Variants in TRMT5 observed in about 807,000 individuals in gnomAD.
TRMT5 encodes the protein tRNA methyltransferase 5, also known as tRNA (guanine(37)-N(1))-methyltransferase.
In TRMT5, 31 loss-of-function variants were observed where a neutral mutation model predicts 42.2. That is an observed-to-expected ratio of 0.73 (90% CI 0.55 to 0.99). TRMT5 has a LOEUF of 0.99. Among genes scored for constraint, TRMT5 ranks in the 50% least tolerant of loss-of-function variants. The pLI is 0.00. For missense variants in TRMT5, 568 were observed against 595.0 expected (o/e 0.95, Z 0.47); for synonymous variants, 198 against 209.6 (o/e 0.94, Z 0.48).
Position 60,975,128 on chromosome 14 carries a change from T to G in TRMT5, c.1511A>C (p.Gln504Pro). 2 of 1,610,144 alleles carry G rather than the reference T, an allele frequency of 1.2e-6. No individual in the cohort carries two copies. Among genetic ancestry groups the G allele is most frequent in the South Asian group, 1.1e-5 (1 of 90,312 alleles). The stretch of plus-strand genomic sequence containing the variant: ...TTCCAATTAAGTGTTTGAAACAATT[T>G]GTGTTTTTTCGTCTGAAAAGGCTTC... ...TAEAFSDEKT[Q>P]IVSNT The change falls in exon 5 of 5, where the codon CAA (glutamine) becomes CCA (proline). Residue 504 changes from glutamine (Q) to proline (P), a missense_variant. Physicochemically the swap from Gln to Pro is moderately conservative, Grantham distance 76 (BLOSUM62 -1). Transcript: ENST00000261249.
rs2036788713 is a variant in TRMT5, at chr14:60,972,449, A to C, written c.*2660T>G. ...CTTTATCTCCTTTAGCATCCCCTTC[A>C]GTCTTTCTCTTGGGCATGGCGGCGG... is the stretch of plus-strand genomic sequence containing the variant. On this transcript the variant is annotated 3_prime_UTR_variant, in exon 5 of 5. Coordinates refer to ENST00000261249, the MANE Select transcript of TRMT5 (RefSeq NM_020810.3). 1 of 524,188 alleles carries C rather than the reference A, an allele frequency of 1.9e-6. No homozygotes were observed. The highest frequency in any genetic ancestry group is 2.0e-5 in the Admixed American group (1 of 50,182). The allele number at this position is 524,188 out of a possible 1,614,324, so 32.5% of individuals were successfully genotyped here.
chr14:60,974,724 T>G lies in TRMT5; in HGVS notation c.*385A>C, dbSNP rs559337479. On this transcript the variant is annotated 3_prime_UTR_variant, in exon 5 of 5. Transcript: ENST00000261249. ...CGTTCTAAATAATTTCATTTTTTAT[T>G]ACTTTTATGGTGATAGTTAATTGGC... The G allele has an allele frequency of 2.6e-5, 4 of 152,910 alleles. No individual in the cohort carries two copies. In the South Asian group the frequency reaches 8.2e-4, roughly 32 times the overall value. The allele number at this position is 152,910 out of a possible 1,614,324, so 9.5% of individuals were successfully genotyped here. A position where few individuals can be genotyped will look rare whatever the true frequency, so the allele number is the denominator to read the frequency against.
chr14:60,976,876 AG>A (rs1286866781), intron 3 of TRMT5, among the ~76,000 whole-genome samples: 2 of 152,172 alleles, frequency 1.3e-5, no homozygotes, highest in Non-Finnish European at 1.5e-5. Flanking sequence ...ATAAAACTTA[AG>A]TTACAGTCAT....
In TRMT5 at chr14:60,979,659, C is replaced by T. The variant is rs966877837; in HGVS notation, c.239G>A (p.Arg80Gln). Reference protein sequence around the residue: ...TELFSPPSDVRGMTKLDRTAF... With the variant: ...TELFSPPSDVQGMTKLDRTAF... ...TGTTCTATCAAGTTTTGTCATGCCT[C>T]GGACATCAGAAGGTGGTGAAAACAA... The change falls in exon 2 of 5, where the codon CGA becomes CAA. Residue 80 changes from arginine (R) to glutamine (Q), a missense_variant. Arg to Gln is a conservative substitution (Grantham distance 43, BLOSUM62 1). Transcript: ENST00000261249. 1.2e-6 allele frequency: 2 copies of T among 1,614,080 alleles called. No individual in the cohort carries two copies. Among genetic ancestry groups the T allele is most frequent in the East Asian group, 2.2e-5 (1 of 44,872 alleles).
upstream of TRMT5, chr14:60,981,182 C>G (rs1237736067): frequency 2.0e-6 from 3 of 1,534,812 alleles, no homozygotes; most frequent in African/African-American, 1.4e-5. Context: ...CCGGAAGGGC[C>G]GGGCTCAAAG....
chr14:60,972,239 C>T lies in TRMT5; in HGVS notation c.*2870G>A. The T allele has an allele frequency of 1.9e-6, 1 of 524,488 alleles. No individual in the cohort carries two copies. The highest frequency in any genetic ancestry group is 3.8e-6 in the Non-Finnish European group (1 of 264,150). The allele number at this position is 524,488 out of a possible 1,614,324, so 32.5% of individuals were successfully genotyped here. Reference sequence around the variant, plus strand: ...CAGAAGTACAGTTATAAAAAATGCACACACTTCACTTGGGATCTCCAGCAC... The same window carrying T: ...CAGAAGTACAGTTATAAAAAATGCATACACTTCACTTGGGATCTCCAGCAC... On this transcript the variant is annotated 3_prime_UTR_variant, in exon 5 of 5. Coordinates refer to ENST00000261249, the MANE Select transcript of TRMT5 (RefSeq NM_020810.3).
chr14:60,975,036 A>G lies in TRMT5; in HGVS notation c.*73T>C, dbSNP rs2036823487. The stretch of plus-strand genomic sequence containing the variant: ...TTCAATAGTAAAAACCAAACCCTAA[A>G]ATTTTATTAAATAATACAAATTCTA... On this transcript the variant is annotated 3_prime_UTR_variant, in exon 5 of 5. Transcript: ENST00000261249. 1 of 1,300,364 alleles carries G rather than the reference A, an allele frequency of 7.7e-7. No homozygotes were observed. The highest frequency in any genetic ancestry group is 1.1e-6 in the Non-Finnish European group (1 of 950,526). 80.6% of individuals were successfully genotyped at this position (1,300,364 alleles called of 1,614,324 possible). A position where few individuals can be genotyped will look rare whatever the true frequency, so the allele number is the denominator to read the frequency against.
rs552387240 is a variant in TRMT5 at position 60,979,054 on chromosome 14, G to T, written c.667+177C>A. Among the ~76,000 whole-genome samples, 3 of 152,210 alleles carry T rather than the reference G, an allele frequency of 2.0e-5. No individual in the cohort carries two copies. The South Asian group carries it at 6.2e-4, about 32-fold the overall frequency. On this transcript the variant is annotated intron_variant, in intron 2 of 4. Coordinates refer to ENST00000261249, the MANE Select transcript of TRMT5 (RefSeq NM_020810.3). The stretch of plus-strand genomic sequence containing the variant: ...GTATTTGGAACTTGCTATGACTAAA[G>T]AAGATATTTCAAAATGGCCCTCAAA...
At chr14:60,977,752 C>T in intron 2 of TRMT5, 114 bp from the exon 3 acceptor site, 1 of 1,043,084 alleles carries the variant, frequency 9.6e-7, no homozygotes, top group Non-Finnish European at 1.3e-6. Flanking sequence ...AAAGACTGCA[C>T]CTACTGTGTG....
Position 60,979,364 on chromosome 14 carries a change from T to A in TRMT5, c.534A>T (p.Glu178Asp). The A allele has an allele frequency of 1.2e-5, 19 of 1,614,166 alleles. No individual in the cohort carries two copies. Among genetic ancestry groups the A allele is most frequent in the Admixed American group, 1.7e-5 (1 of 60,024 alleles). ...ISKYNLELTYEHFKSEEILRA... is the reference protein window; with the variant it reads ...ISKYNLELTYDHFKSEEILRA... The stretch of plus-strand genomic sequence containing the variant: ...TCAAGATTTCTTCTGACTTAAAGTG[T>A]TCATATGTTAGTTCCAAATTGTATT... Residue 178 changes from glutamate (E) to aspartate (D), a missense_variant, in exon 2 of 5, where the codon GAA (glutamate) becomes GAT (aspartate). Physicochemically the swap from Glu to Asp is conservative, Grantham distance 45 (BLOSUM62 2). Coordinates refer to ENST00000261249, the MANE Select transcript of TRMT5 (RefSeq NM_020810.3).
chr14:60,980,864 G>A (rs768671178), intron 1 of TRMT5, 99 bp downstream of exon 1: 1 of 1,581,712 alleles, frequency 6.3e-7, no homozygotes, highest in African/African-American at 1.3e-5. Flanking sequence ...GGGTGACCTC[G>A]CGATGTTTCT....
chr14:60,981,000 T>G lies in TRMT5; in HGVS notation c.-27A>C. On this transcript the variant is annotated 5_prime_UTR_variant, in exon 1 of 5. Coordinates refer to ENST00000261249, the MANE Select transcript of TRMT5 (RefSeq NM_020810.3). ...CCAATTCCCCACGTCGCTCTGCAGC[T>G]GGATCCGCGAGCCGACCCCTCACCT... is the stretch of plus-strand genomic sequence containing the variant. 6.2e-7 allele frequency: 1 copy of G among 1,610,336 alleles called. No individual in the cohort carries two copies. Among genetic ancestry groups the G allele is most frequent in the Non-Finnish European group, 8.5e-7 (1 of 1,179,932 alleles).
chr14:60,977,677 G>A, intron 2 of TRMT5, 39 bp from the exon 3 acceptor site: 2 of 1,535,222 alleles, frequency 1.3e-6, no homozygotes, highest in Middle Eastern at 1.8e-4. Context: ...CTGCCTATTG[G>A]TTGCAAAATA....
rs1240820661 is a variant in TRMT5, at chr14:60,979,640, A to G, written c.258T>C (p.Asp86=). ...PSDVRGMTKL[D]RTAFKKTVNI... is the part of the protein sequence containing the mutation. ...TGACTGTCTTTTTAAAAGCTGTTCTATCAAGTTTTGTCATGCCTCGGACAT... is the reference window on the plus strand; with the variant it reads ...TGACTGTCTTTTTAAAAGCTGTTCTGTCAAGTTTTGTCATGCCTCGGACAT... The change falls in exon 2 of 5, where the codon GAT becomes GAC. Residue 86 remains aspartate (D), a synonymous_variant. Transcript: ENST00000261249. 5.0e-6 allele frequency: 8 copies of G among 1,613,988 alleles called. No homozygotes were observed. The highest frequency in any genetic ancestry group is 5.9e-6 in the Non-Finnish European group (7 of 1,180,032).
Position 60,972,856 on chromosome 14 carries a change from C to T in TRMT5, c.*2253G>A, listed in dbSNP as rs2036795241. The T allele has an allele frequency of 6.5e-6, 1 of 153,022 alleles. No individual in the cohort carries two copies. Among genetic ancestry groups the T allele is most frequent in the Non-Finnish European group, 1.5e-5 (1 of 68,670 alleles). 9.5% of individuals were successfully genotyped at this position (153,022 alleles called of 1,614,324 possible). On this transcript the variant is annotated 3_prime_UTR_variant, in exon 5 of 5. Coordinates refer to ENST00000261249, the MANE Select transcript of TRMT5 (RefSeq NM_020810.3). ...CCAGGAGCATATGAAATTAACTGAG[C>T]ATATTCATCACTTGGAAAGCATTTG...
chr14:60,977,388 CA>C, intron 3 of TRMT5, 125 bp downstream of exon 3: 1 of 899,814 alleles, frequency 1.1e-6, no homozygotes, highest in Non-Finnish European at 1.6e-6. Context: ...CAATAGCATA[CA>C]TAAGTGATCA....
chr14:60,972,219 G>A lies in TRMT5; in HGVS notation c.*2890C>T, dbSNP rs2036785276. On this transcript the variant is annotated 3_prime_UTR_variant, in exon 5 of 5. Transcript: ENST00000261249. ...ATTTCAAACTGTACAGTCACCAGAAGTACAGTTATAAAAAATGCACACACT... is the reference window on the plus strand; with the variant it reads ...ATTTCAAACTGTACAGTCACCAGAAATACAGTTATAAAAAATGCACACACT... 4 of 516,060 alleles carry A rather than the reference G, an allele frequency of 7.8e-6. No individual in the cohort carries two copies. Among genetic ancestry groups the A allele is most frequent in the Non-Finnish European group, 1.5e-5 (4 of 261,298 alleles). 32.0% of individuals were successfully genotyped at this position (516,060 alleles called of 1,614,324 possible).
In TRMT5 at chr14:60,977,565, G is replaced by C. The variant is rs1371101067; in HGVS notation, c.741C>G (p.Tyr247Ter). The C allele has an allele frequency of 2.5e-6, 4 of 1,610,536 alleles. No individual in the cohort carries two copies. The highest frequency in any genetic ancestry group is 3.4e-6 in the Non-Finnish European group (4 of 1,178,072). ...VNKINNIDNMYRNFQMEVLSG... is the reference protein window; with the variant it reads ...VNKINNIDNM Reference sequence around the variant, plus strand: ...ATAGCACTTCCATTTGGAAATTTCGGTACATATTGTCAATATTATTTATTT... The same window carrying C: ...ATAGCACTTCCATTTGGAAATTTCGCTACATATTGTCAATATTATTTATTT... The change falls in exon 3 of 5, where the codon TAC becomes TAG. Residue 247 changes from tyrosine (Y) to a stop codon, truncating the protein, a stop_gained. Transcript: ENST00000261249. LOFTEE classifies it high-confidence loss of function.
chr14:60,981,135 G>A (rs2036974933), upstream of TRMT5: 1 of 1,551,538 alleles, frequency 6.4e-7, no homozygotes. Context: ...AAGTCGACTC[G>A]CTCCTCTCCT....
Sources: gnomAD v4.1 joint callset for allele counts (sites outside exome capture counted in the v4.1 genomes callset) on GRCh38, gnomAD v4.1.1 for gene constraint, MANE v1.5 for transcripts, NCBI Gene and HGNC (gene_info 2026-07-23, HGNC 2026-07-21) for gene names.